The following WWOX variants were observed in gnomAD, a reference collection of about 807,000 sequenced individuals.
The protein encoded by WWOX is WW domain-containing oxidoreductase.
In WWOX, 69 loss-of-function variants were observed where a neutral mutation model predicts 46.2. The observed-to-expected ratio is 1.49, with a 90% CI of 1.23 to 1.82. The LOEUF (loss-of-function observed/expected upper bound fraction) is 1.82, where lower values mean the gene tolerates loss of function less well. Ranked by LOEUF, WWOX falls within the 40% of genes most tolerant of loss-of-function variation. WWOX has a pLI of 0.00. For missense variants in WWOX, 919 were observed against 542.6 expected (o/e 1.69, Z -6.89); for synonymous variants, 359 against 202.6 (o/e 1.77, Z -6.56).
chr16:79,085,814 G>T (rs59140401), intron 8 of WWOX, among the ~76,000 whole-genome samples: 1 of 152,162 alleles, frequency 6.6e-6, no homozygotes, highest in Non-Finnish European at 1.5e-5. Flanking sequence ...CGGAAGCTGA[G>T]ACTGGAGGAT....
intron 8 of WWOX, among the ~76,000 whole-genome samples, chr16:78,868,393 C>G (rs1166300387): frequency 1.3e-5 from 2 of 151,672 alleles, no homozygotes; most frequent in East Asian, 1.9e-4. Context: ...AGGGGATTAC[C>G]TGGAAAGGGT....
intron 8 of WWOX, among the ~76,000 whole-genome samples, chr16:79,161,250 C>G (rs1007194450): frequency 6.6e-6 from 1 of 152,124 alleles, no homozygotes; most frequent in African/African-American, 2.4e-5. Context: ...GGTTTCAAAT[C>G]CTCCCTCTGT....
intron 8 of WWOX, among the ~76,000 whole-genome samples, chr16:78,915,564 A>G (rs924562393): frequency 3.9e-5 from 6 of 152,198 alleles, no homozygotes; most frequent in Admixed American, 1.3e-4. Context: ...GAAGATTTAA[A>G]AAAATGAAAA....
At chr16:78,532,984 G>C (rs1248323157) in intron 8 of WWOX, among the ~76,000 whole-genome samples, 1 of 152,194 alleles carries the variant, frequency 6.6e-6, no homozygotes, top group Non-Finnish European at 1.5e-5. Context: ...CAGATGCTTG[G>C]ATAGGGCAGG....
Position 79,211,873 on chromosome 16 carries a change from T to G in WWOX, c.*77T>G. The G allele has an allele frequency of 6.3e-7, 1 of 1,591,560 alleles. No homozygotes were observed. Among genetic ancestry groups the G allele is most frequent in the South Asian group, 1.1e-5 (1 of 88,936 alleles). The stretch of plus-strand genomic sequence containing the variant: ...ACGCAAGTGCCAGGGCTGGGCCCCT[T>G]CCAAATGTCCCTCCAACACAGATCC... On this transcript the variant is annotated 3_prime_UTR_variant, in exon 9 of 9. Transcript: ENST00000566780.
At chr16:78,360,721 T>C (rs58506867) in intron 5 of WWOX, among the ~76,000 whole-genome samples, 15,987 of 151,668 alleles carry the variant, frequency 0.11, 1,289 homozygotes, top group East Asian at 0.3. Flanking sequence ...TAACTATACT[T>C]GTTACTCAAA....
chr16:79,143,009 T>C (rs2050119097), intron 8 of WWOX, among the ~76,000 whole-genome samples: 1 of 152,170 alleles, frequency 6.6e-6, no homozygotes, highest in South Asian at 2.1e-4. Context: ...CAGCCATTTA[T>C]CTGTTTTTTA....
chr16:78,789,896 GT>G (rs747740950), intron 8 of WWOX, among the ~76,000 whole-genome samples: 5 of 152,136 alleles, frequency 3.3e-5, no homozygotes, highest in Non-Finnish European at 5.9e-5. Flanking sequence ...AAATCAGACA[GT>G]TGTAAACTTA....
Position 78,616,913 on chromosome 16 carries a change from C to G in WWOX, c.1056+184161C>G, listed in dbSNP as rs35966401. Among the ~76,000 whole-genome samples the G allele has an allele frequency of 4.9e-4, 75 of 152,252 alleles. 1 individual carries two copies. The highest frequency in any genetic ancestry group is 9.6e-4 in the Non-Finnish European group (65 of 68,024). On this transcript the variant is annotated intron_variant, in intron 8 of 8. Transcript: ENST00000566780. ...TTTCAACATATAAATTTTGGGGGGA[C>G]ACATTCAGACCACAATAATGTTTTA...
At chr16:78,489,069 G>T (rs981220224) in intron 8 of WWOX, among the ~76,000 whole-genome samples, 1 of 152,110 alleles carries the variant, frequency 6.6e-6, no homozygotes, top group Non-Finnish European at 1.5e-5. Context: ...ATAGTTATCT[G>T]CTTACCTTTC....
rs191050538 is a variant in WWOX, at chr16:79,071,120, C to A, written c.1057-140488C>A. ...CCATTTATTCCATAGACTGTGAAGT[C>A]TGCCTGTACATTTCCAGGCTAGCAG... On this transcript the variant is annotated intron_variant, in intron 8 of 8. Coordinates refer to ENST00000566780, the MANE Select transcript of WWOX (RefSeq NM_016373.4). Among the ~76,000 whole-genome samples the A allele has an allele frequency of 2.0e-5, 3 of 152,326 alleles. No individual in the cohort carries two copies. In the East Asian group the frequency reaches 5.8e-4, roughly 29 times the overall value.
intron 8 of WWOX, among the ~76,000 whole-genome samples, chr16:78,713,919 G>C (rs1279311717): frequency 2.0e-5 from 3 of 152,128 alleles, no homozygotes; most frequent in Admixed American, 2.0e-4. Context: ...GAGGACTGTC[G>C]TTGGGGAACA....
chr16:78,787,230 C>T (rs1051071647), intron 8 of WWOX, among the ~76,000 whole-genome samples: 4 of 152,142 alleles, frequency 2.6e-5, no homozygotes, highest in South Asian at 2.1e-4. Flanking sequence ...ACTTTTAATA[C>T]GTTCACAATA....
intron 8 of WWOX, among the ~76,000 whole-genome samples, chr16:78,740,042 C>G (rs1567528234): frequency 6.6e-6 from 1 of 152,116 alleles, no homozygotes; most frequent in Non-Finnish European, 1.5e-5. Context: ...CCACATTTGA[C>G]CACCTAACTG....
In WWOX at chr16:78,321,351, TATATATGCGTATATATATAC is replaced by T. The variant is rs1567499224; in HGVS notation, c.517-65508_517-65489del. On this transcript the variant is annotated intron_variant, in intron 5 of 8. Coordinates refer to ENST00000566780, the MANE Select transcript of WWOX (RefSeq NM_016373.4). The stretch of plus-strand genomic sequence containing the variant: ...ACGTATATATGCGTATATATATACG[TATATATGCGTATATATATAC>T]GTATATATGCGTATATATATACGTA... Among the ~76,000 whole-genome samples the T allele has an allele frequency of 8.8e-4, 39 of 44,476 alleles. 4 individuals carry two copies. Among genetic ancestry groups the T allele is most frequent in the African/African-American group, 6.3e-3 (34 of 5,384 alleles). 29.2% of individuals were successfully genotyped at this position (44,476 alleles called of 152,430 possible).
intron 8 of WWOX, among the ~76,000 whole-genome samples, chr16:79,177,063 C>G (rs1001475319): frequency 1.3e-5 from 2 of 152,166 alleles, no homozygotes; most frequent in Non-Finnish European, 2.9e-5. Context: ...ATGGGATCAC[C>G]TACAAAGTCC....
chr16:78,756,571 C>T (rs73573719), intron 8 of WWOX, among the ~76,000 whole-genome samples: 5,488 of 152,206 alleles, frequency 0.036, 288 homozygotes, highest in African/African-American at 0.12. Flanking sequence ...TCTGAGAATG[C>T]TTTATTGATA....
At chr16:78,811,263 T>G (rs1293302000) in intron 8 of WWOX, among the ~76,000 whole-genome samples, 1 of 152,226 alleles carries the variant, frequency 6.6e-6, no homozygotes, top group Non-Finnish European at 1.5e-5. Context: ...CTGCAATTGC[T>G]GAGTAATTGA....
rs961078995 is a variant in WWOX, at chr16:78,885,044, C to T, written c.1057-326564C>T. 3.3e-5 allele frequency among the ~76,000 whole-genome samples: 5 copies of T among 152,148 alleles called. No homozygotes were observed. In the South Asian group the frequency reaches 6.2e-4, roughly 19 times the overall value. On this transcript the variant is annotated intron_variant, in intron 8 of 8. Coordinates refer to ENST00000566780, the MANE Select transcript of WWOX (RefSeq NM_016373.4). ...TTCTTCCACTGTGCAGTGTTTCGTT[C>T]TTAACCAACATGGCACCCCAGGTTC... is the stretch of plus-strand genomic sequence containing the variant.
Sources: allele counts gnomAD v4.1 joint callset (sites outside exome capture counted in the v4.1 genomes callset), GRCh38; gene constraint gnomAD v4.1.1; transcripts MANE v1.5; gene names NCBI Gene and HGNC (gene_info 2026-07-23, HGNC 2026-07-21).